The following KCNQ5 variants were observed in gnomAD, a reference collection of about 807,000 sequenced individuals.
The protein encoded by KCNQ5 is potassium voltage-gated channel subfamily Q member 5.
In KCNQ5, 30 loss-of-function variants were observed where a neutral mutation model predicts 98.2. That is an observed-to-expected ratio of 0.31 (90% confidence interval 0.23 to 0.41). The LOEUF (loss-of-function observed/expected upper bound fraction) is 0.41, where lower values mean the gene tolerates loss of function less well. Ranked by LOEUF, KCNQ5 falls within the 10% of genes least tolerant of loss-of-function variation. The pLI, the probability that KCNQ5 is intolerant of heterozygous loss-of-function variation, is 1.00. For synonymous variants in KCNQ5, 458 were observed against 449.4 expected, an observed-to-expected ratio of 1.02 and a Z score of -0.24; for missense variants, 835 against 1,182.5, an observed-to-expected ratio of 0.71 and a Z score of 4.31.
chr6:73,074,615 T>C (rs1269088056), intron 3 of KCNQ5, among the ~76,000 whole-genome samples: 1 of 152,234 alleles, frequency 6.6e-6, no homozygotes, highest in Admixed American at 6.5e-5. Context: ...TGCTGTAGTC[T>C]AACAAACCGA....
At chr6:72,929,284 A>G (rs1392674911) in intron 1 of KCNQ5, among the ~76,000 whole-genome samples, 2 of 152,110 alleles carry the variant, frequency 1.3e-5, no homozygotes, top group Admixed American at 6.6e-5. Context: ...AGAGGAGTTG[A>G]AAGCTTGTCA....
chr6:72,826,841 T>G (rs1199115643), intron 1 of KCNQ5, among the ~76,000 whole-genome samples: 1 of 152,140 alleles, frequency 6.6e-6, no homozygotes, highest in Non-Finnish European at 1.5e-5. Flanking sequence ...GCCATAATTT[T>G]TATATCCTTT....
intron 9 of KCNQ5, among the ~76,000 whole-genome samples, chr6:73,124,932 G>T (rs1775888446): frequency 1.0e-5 from 1 of 97,192 alleles, no homozygotes. Flanking sequence ...CCTTCTTTTG[G>T]AGTGATATAT....
chr6:73,174,979 A>C (rs569112458), intron 11 of KCNQ5, among the ~76,000 whole-genome samples: 30 of 152,140 alleles, frequency 2.0e-4, no homozygotes, highest in African/African-American at 6.5e-4. Context: ...CGCTTCCATG[A>C]TGAGTCACAT....
chr6:73,094,952 A>G (rs1387698007), intron 5 of KCNQ5, among the ~76,000 whole-genome samples: 2 of 152,052 alleles, frequency 1.3e-5, no homozygotes, highest in Non-Finnish European at 2.9e-5. Context: ...TGCTTCTTGT[A>G]TTTGGATGTC....
chr6:72,924,403 A>G (rs2150221429), intron 1 of KCNQ5, among the ~76,000 whole-genome samples: 1 of 152,304 alleles, frequency 6.6e-6, no homozygotes. Flanking sequence ...AACTAGGGTC[A>G]CCAAAATCCC....
chr6:72,895,891 C>A (rs1471424569), intron 1 of KCNQ5, among the ~76,000 whole-genome samples: 5 of 151,744 alleles, frequency 3.3e-5, no homozygotes, highest in Admixed American at 6.6e-5. Context: ...TGTGTCTATT[C>A]CAGAAAATGA....
chr6:72,818,640 A>G lies in KCNQ5; in HGVS notation c.399-185268A>G, dbSNP rs543277061. 3.3e-5 allele frequency among the ~76,000 whole-genome samples: 5 copies of G among 151,718 alleles called. No individual in the cohort carries two copies. In the South Asian group the frequency reaches 1.0e-3, roughly 31 times the overall value. On this transcript the variant is annotated intron_variant, in intron 1 of 13. Transcript: ENST00000370398. Reference sequence around the variant, plus strand: ...TACAGAAGTATAAATATTACAGCATATGAGTTATTTTATTAACCCTTGTGT... The same window carrying G: ...TACAGAAGTATAAATATTACAGCATGTGAGTTATTTTATTAACCCTTGTGT...
At chr6:72,901,885 A>G (rs1779520857) in intron 1 of KCNQ5, among the ~76,000 whole-genome samples, 4 of 152,176 alleles carry the variant, frequency 2.6e-5, no homozygotes, top group Admixed American at 1.3e-4. Flanking sequence ...TCTGTGAAGA[A>G]TGATGGTGGT....
intron 1 of KCNQ5, among the ~76,000 whole-genome samples, chr6:72,814,875 T>G (rs2150108192): frequency 6.6e-6 from 1 of 152,348 alleles, no homozygotes; most frequent in South Asian, 2.1e-4. Flanking sequence ...GGAGACAATT[T>G]GTCAGAAGAT....
intron 1 of KCNQ5, among the ~76,000 whole-genome samples, chr6:72,850,911 T>C (rs77936329): frequency 2.6e-5 from 4 of 151,870 alleles, no homozygotes; most frequent in Admixed American, 6.5e-5. Flanking sequence ...TGATTCATTA[T>C]ACATTTATAA....
chr6:73,167,044 A>C (rs564887502), intron 10 of KCNQ5, among the ~76,000 whole-genome samples: 1 of 152,316 alleles, frequency 6.6e-6, no homozygotes, highest in African/African-American at 2.4e-5. Flanking sequence ...TACTACAGCA[A>C]CTAAGAGCAG....
At chr6:72,709,148 A>G (rs1448366168) in intron 1 of KCNQ5, among the ~76,000 whole-genome samples, 1 of 152,212 alleles carries the variant, frequency 6.6e-6, no homozygotes, top group Non-Finnish European at 1.5e-5. Context: ...CCCAGTGATC[A>G]GTTTTCCTTC....
intron 1 of KCNQ5, among the ~76,000 whole-genome samples, chr6:72,882,559 A>G (rs1222367986): frequency 6.6e-6 from 1 of 152,220 alleles, no homozygotes; most frequent in Admixed American, 6.5e-5. Context: ...GTTCAGGGAA[A>G]GTCCAAGACA....
chr6:73,150,002 C>T (rs1777086243), intron 10 of KCNQ5, among the ~76,000 whole-genome samples: 1 of 129,972 alleles, frequency 7.7e-6, no homozygotes, highest in South Asian at 2.2e-4. Context: ...CAAAACACCA[C>T]AGGGGAAAAA....
At chr6:72,927,085 C>T (rs1765460094) in intron 1 of KCNQ5, among the ~76,000 whole-genome samples, 1 of 152,122 alleles carries the variant, frequency 6.6e-6, no homozygotes, top group Non-Finnish European at 1.5e-5. Context: ...AAAAATGCCT[C>T]ACAAAACATT....
At chr6:72,981,442 G>T (rs867516374) in intron 1 of KCNQ5, among the ~76,000 whole-genome samples, 1 of 152,240 alleles carries the variant, frequency 6.6e-6, no homozygotes, top group African/African-American at 2.4e-5. Flanking sequence ...TAGTTTATTT[G>T]CAGAGAGGTG....
At chr6:72,772,374 A>G (rs976254121) in intron 1 of KCNQ5, among the ~76,000 whole-genome samples, 1 of 152,144 alleles carries the variant, frequency 6.6e-6, no homozygotes, top group Non-Finnish European at 1.5e-5. Flanking sequence ...ATGATAATGA[A>G]CAAGTTTTAG....
intron 1 of KCNQ5, among the ~76,000 whole-genome samples, chr6:72,741,611 A>G (rs1298308842): frequency 6.6e-6 from 1 of 152,184 alleles, no homozygotes; most frequent in East Asian, 1.9e-4. Context: ...CTTCATTTTA[A>G]GTAACAAAAC....
Sources: gnomAD v4.1 joint callset for allele counts (sites outside exome capture counted in the v4.1 genomes callset) on GRCh38, gnomAD v4.1.1 for gene constraint, MANE v1.5 for transcripts, NCBI Gene and HGNC (gene_info 2026-07-23, HGNC 2026-07-21) for gene names.